SASH1: variants seen among roughly 807,000 people sequenced by gnomAD.
SASH1 encodes SAM and SH3 domain-containing protein 1.
Under a neutral mutation model 125.2 loss-of-function variants are expected in SASH1, and 44 were observed. That is an observed-to-expected ratio of 0.35 (90% CI 0.28 to 0.45). The LOEUF is 0.45. SASH1 is among the 20% of genes least tolerant of loss of function. The pLI, the probability that SASH1 is intolerant of heterozygous loss-of-function variation, is 1.00. For synonymous variants in SASH1, 639 were observed against 649.1 expected (o/e 0.98, Z 0.24); for missense variants, 1,426 against 1,614.5 (o/e 0.88, Z 2.00).
intron 7 of SASH1, chr6:148,479,397 C>T: frequency 4.9e-6 from 1 of 205,618 alleles, no homozygotes; most frequent in Non-Finnish European, 1.0e-5. Flanking sequence ...AAGATGTCTA[C>T]AGTCATCTCA....
Position 148,546,211 on chromosome 6 carries a change from T to C in SASH1, c.3480+65T>C, listed in dbSNP as rs1219091613. Reference sequence around the variant, plus strand: ...TAGTGATCACGCTTAGTGATGACCATACTAACAACTGCCAAGTAGGCAAGG... The same window carrying C: ...TAGTGATCACGCTTAGTGATGACCACACTAACAACTGCCAAGTAGGCAAGG... On this transcript the variant is annotated intron_variant, in intron 19 of 19. Transcript: ENST00000367467. 3.9e-6 allele frequency: 6 copies of C among 1,553,344 alleles called. No individual in the cohort carries two copies. The East Asian group carries it at 9.1e-5, about 24-fold the overall frequency.
chr6:148,448,132 G>GTT (rs1375154823), intron 4 of SASH1, among the ~76,000 whole-genome samples: 1 of 150,400 alleles, frequency 6.6e-6, no homozygotes, highest in African/African-American at 2.5e-5. Context: ...GTGTGTGTGT[G>GTT]TGTGTGTATG....
rs1027220451 is a variant in SASH1, at chr6:148,473,027, G to T, written c.515-1083G>T. 2.0e-5 allele frequency among the ~76,000 whole-genome samples: 3 copies of T among 152,170 alleles called. No homozygotes were observed. In the South Asian group the frequency reaches 6.2e-4, roughly 32 times the overall value. Reference sequence around the variant, plus strand: ...CCAATGTGGCTCAGATATACCAGAGGCAATAGCAGTCTGTTTGCTCTGTAG... The same window carrying T: ...CCAATGTGGCTCAGATATACCAGAGTCAATAGCAGTCTGTTTGCTCTGTAG... On this transcript the variant is annotated intron_variant, in intron 6 of 19. Coordinates refer to ENST00000367467, the MANE Select transcript of SASH1 (RefSeq NM_015278.5).
intron 10 of SASH1, among the ~76,000 whole-genome samples, chr6:148,523,905 G>T (rs913246193): frequency 6.6e-6 from 1 of 151,966 alleles, no homozygotes; most frequent in Non-Finnish European, 1.5e-5. Context: ...CAGGCAGTGC[G>T]CTAGAAGGCT....
intron 2 of SASH1, among the ~76,000 whole-genome samples, chr6:148,422,702 T>C (rs148001800): frequency 2.6e-4 from 40 of 152,300 alleles, no homozygotes; most frequent in African/African-American, 8.2e-4. Flanking sequence ...AGATTAATGC[T>C]CAGAAGGGAG....
chr6:148,514,198 T>G, intron 8 of SASH1, 126 bp from the exon 9 acceptor site: 2 of 1,468,092 alleles, frequency 1.4e-6, no homozygotes, highest in Non-Finnish European at 1.8e-6. Flanking sequence ...CAAATTTTTG[T>G]TGGTTCCCAA....
Position 148,423,084 on chromosome 6 carries a change from G to A in SASH1, c.286-17100G>A, listed in dbSNP as rs561618710. Among the ~76,000 whole-genome samples, 383 of 152,156 alleles carry A rather than the reference G, an allele frequency of 2.5e-3. 4 individuals carry two copies. Among genetic ancestry groups the A allele is most frequent in the African/African-American group, 8.5e-3 (353 of 41,522 alleles). ...CTCCCGAGTAGCTGGGACTACAGGC[G>A]CACGCCACCACGCCCAGCTAATTTT... is the stretch of plus-strand genomic sequence containing the variant. On this transcript the variant is annotated intron_variant, in intron 2 of 19. Transcript: ENST00000367467.
the SASH1 span, among the ~76,000 whole-genome samples, chr6:148,222,778 A>ATC: frequency 7.5e-3 from 1,096 of 146,824 alleles, 15 homozygotes; most frequent in African/African-American, 0.024. Flanking sequence ...TTCCCCTTCG[A>ATC]TCTCTCTCTC....
At chr6:148,424,243 T>TGG (rs34606292) in intron 2 of SASH1, among the ~76,000 whole-genome samples, 1 of 150,272 alleles carries the variant, frequency 6.7e-6, no homozygotes, top group African/African-American at 2.4e-5. Context: ...TTTTTTTTTT[T>TGG]TGGGGGGGGG....
At chr6:148,337,265 C>T (rs34054598) in intron 1 of SASH1, among the ~76,000 whole-genome samples, 1 of 150,496 alleles carries the variant, frequency 6.6e-6, no homozygotes, top group Non-Finnish European at 1.5e-5. Flanking sequence ...GTTCTGTCAC[C>T]CAGGCTGCAG....
intron 2 of SASH1, among the ~76,000 whole-genome samples, chr6:148,424,771 C>T (rs1488585883): frequency 2.6e-5 from 4 of 152,206 alleles, no homozygotes; most frequent in Non-Finnish European, 5.9e-5. Flanking sequence ...ACCCCTTCAC[C>T]TGCAGGCCAC....
At chr6:148,318,506 T>C (rs974037846) in intron 1 of SASH1, among the ~76,000 whole-genome samples, 1 of 152,140 alleles carries the variant, frequency 6.6e-6, no homozygotes, top group African/African-American at 2.4e-5. Context: ...CCATAGAACA[T>C]TGGCAGCTTC....
chr6:148,469,856 T>C (rs1236744987), intron 5 of SASH1, among the ~76,000 whole-genome samples: 2 of 151,958 alleles, frequency 1.3e-5, no homozygotes, highest in Admixed American at 1.3e-4. Context: ...CGAAACCTCA[T>C]CTCTACTAAG....
the SASH1 span, among the ~76,000 whole-genome samples, chr6:148,257,398 A>G: frequency 3.9e-5 from 6 of 152,168 alleles, no homozygotes; most frequent in Non-Finnish European, 8.8e-5. Flanking sequence ...CATCTTAGAG[A>G]CAAAAGTTGA....
intron 8 of SASH1, among the ~76,000 whole-genome samples, chr6:148,489,885 T>TGTGTGC (rs1779027101): frequency 6.8e-6 from 1 of 147,842 alleles, no homozygotes; most frequent in Non-Finnish European, 1.5e-5. Context: ...TGTGTGTGTG[T>TGTGTGC]GTATAGTGTT....
At chr6:148,235,482 G>A in the SASH1 span, among the ~76,000 whole-genome samples, 1 of 152,232 alleles carries the variant, frequency 6.6e-6, no homozygotes, top group East Asian at 1.9e-4. Flanking sequence ...CACAGTATAT[G>A]TTAAATTGAT....
intron 1 of SASH1, among the ~76,000 whole-genome samples, chr6:148,303,781 C>G (rs1011987287): frequency 6.7e-5 from 9 of 134,842 alleles, no homozygotes; most frequent in Non-Finnish European, 1.1e-4. Flanking sequence ...TCTGTCTCAA[C>G]AAAATAAATA....
chr6:148,448,113 AGAGTGTGT>A (rs1345286196), intron 4 of SASH1, among the ~76,000 whole-genome samples: 2 of 133,290 alleles, frequency 1.5e-5, no homozygotes, highest in African/African-American at 3.0e-5. Flanking sequence ...TGCAGTGGAG[AGAGTGTGT>A]GTGTGTGTGT....
In SASH1 at chr6:148,533,928, G is replaced by T. The variant is rs368037095; in HGVS notation, c.1892G>T (p.Arg631Leu). The T allele has an allele frequency of 3.1e-6, 5 of 1,613,944 alleles. No individual in the cohort carries two copies. The highest frequency in any genetic ancestry group is 3.4e-6 in the Non-Finnish European group (4 of 1,179,906). The change falls in exon 15 of 20, where the codon CGA (arginine) becomes CTA (leucine). Residue 631 changes from arginine (R) to leucine (L), a missense_variant. Around this residue, in one of 3 missense-constraint regions of SASH1, gnomAD observed 225 missense variants for 344.5 expected, o/e 0.65. Coordinates refer to ENST00000367467, the MANE Select transcript of SASH1 (RefSeq NM_015278.5). The surrounding 1 kb of genome is among the most constrained non-coding windows in gnomAD (Gnocchi z 6.2). The part of the protein sequence containing the change: ...KRPTRRRRKG[R>L]PPQPKSVEDL... The stretch of plus-strand genomic sequence containing the variant: ...CCCACCAGGAGGCGTCGGAAAGGAC[G>T]ACCACCCCAGCCCAAGTCTGTGGAG...
Sources: gnomAD v4.1 joint callset for allele counts (sites outside exome capture counted in the v4.1 genomes callset) on GRCh38, gnomAD v4.1.1 for gene constraint, gnomAD v4.1.1 regional missense constraint, Gnocchi (gnomAD v3.1) non-coding constraint, MANE v1.5 for transcripts, NCBI Gene and HGNC (gene_info 2026-07-23, HGNC 2026-07-21) for gene names.